ADAMTS3: variants seen among roughly 807,000 people sequenced by gnomAD.
The protein encoded by ADAMTS3 is ADAM metallopeptidase with thrombospondin type 1 motif 3, also known as A disintegrin and metalloproteinase with thrombospondin motifs 3.
A neutral mutation model predicts 129.0 loss-of-function variants in ADAMTS3; 73 were observed. The observed-to-expected ratio is 0.57, with a 90% CI of 0.47 to 0.69. ADAMTS3 has a LOEUF of 0.69. Ranked by LOEUF, ADAMTS3 falls within the 30% of genes least tolerant of loss-of-function variation. The probability of loss-of-function intolerance (pLI) is 0.00; values close to 1 mark genes in which losing one functional copy is unlikely to be tolerated. For missense variants in ADAMTS3, 1,457 were observed against 1,514.5 expected (o/e 0.96, Z 0.63); for synonymous variants, 477 against 510.8 (o/e 0.93, Z 0.89).
At chr4:72,319,551 C>A in intron 8 of ADAMTS3, 76 bp from the exon 9 acceptor site, 2 of 1,502,262 alleles carry the variant, frequency 1.3e-6, no homozygotes, top group Non-Finnish European at 8.9e-7. Context: ...GAAAATAAGC[C>A]CTGGGAAATA....
At chr4:72,529,742 T>G (rs1391422734) in intron 3 of ADAMTS3, among the ~76,000 whole-genome samples, 1 of 113,062 alleles carries the variant, frequency 8.8e-6, no homozygotes, top group East Asian at 2.3e-4. Context: ...TATATTTATT[T>G]AATATATTGT....
chr4:72,309,656 AT>A, intron 14 of ADAMTS3, 136 bp from the exon 15 acceptor site: 1 of 856,746 alleles, frequency 1.2e-6, no homozygotes, highest in African/African-American at 1.7e-5. Context: ...TGTAGTCATA[AT>A]TTTTAATACC....
At position 72,568,924 on chromosome 4, in the gene ADAMTS3, T is replaced by C. The variant is rs1217575623; in HGVS notation, c.-162A>G. On this transcript the variant is annotated 5_prime_UTR_variant, in exon 1 of 22. Coordinates refer to ENST00000286657, the MANE Select transcript of ADAMTS3 (RefSeq NM_014243.3). The stretch of plus-strand genomic sequence containing the variant: ...TGCTTTGCTTCAATGAAAATGAAAT[T>C]TGAGCTCTGAGACTGGCCCCCTCTG... The C allele has an allele frequency of 6.2e-6, 4 of 641,010 alleles. No homozygotes were observed. Among genetic ancestry groups the C allele is most frequent in the Admixed American group, 5.8e-5 (2 of 34,530 alleles). 39.7% of individuals were successfully genotyped at this position (641,010 alleles called of 1,614,324 possible).
intron 4 of ADAMTS3, among the ~76,000 whole-genome samples, chr4:72,358,076 C>G (rs1720628246): frequency 6.6e-6 from 1 of 151,784 alleles, no homozygotes; most frequent in Non-Finnish European, 1.5e-5. Flanking sequence ...ACGAAATTTA[C>G]TTCCTAGGGG....
At chr4:72,560,440 G>A (rs550153814) in intron 2 of ADAMTS3, among the ~76,000 whole-genome samples, 6 of 152,204 alleles carry the variant, frequency 3.9e-5, no homozygotes, top group African/African-American at 7.2e-5. Context: ...CAACCCAAAC[G>A]CCAATCAATG....
At chr4:72,290,582 A>G (rs2109771159) in intron 20 of ADAMTS3, among the ~76,000 whole-genome samples, 1 of 152,350 alleles carries the variant, frequency 6.6e-6, no homozygotes, top group South Asian at 2.1e-4. Context: ...TGGAATTTAT[A>G]CTGAAGGAAT....
chr4:72,419,203 G>C (rs1180845155), intron 3 of ADAMTS3, among the ~76,000 whole-genome samples: 1 of 152,142 alleles, frequency 6.6e-6, no homozygotes, highest in Non-Finnish European at 1.5e-5. Context: ...CAAATTTCAA[G>C]GGTGTATTCA....
At chr4:72,422,941 A>G (rs1487316840) in intron 3 of ADAMTS3, among the ~76,000 whole-genome samples, 1 of 152,198 alleles carries the variant, frequency 6.6e-6, no homozygotes. Context: ...TCATCAAGAG[A>G]AGACTAAATT....
In ADAMTS3 at chr4:72,356,199, T is replaced by C. The variant is rs556629362; in HGVS notation, c.662-16506A>G. On this transcript the variant is annotated intron_variant, in intron 4 of 21. Transcript: ENST00000286657. ...ATAAATGGAAAATAATGTGTCAATATGCAAAATGTAGAAGAATGAAAAAGG... is the reference window on the plus strand; with the variant it reads ...ATAAATGGAAAATAATGTGTCAATACGCAAAATGTAGAAGAATGAAAAAGG... Among the ~76,000 whole-genome samples the C allele has an allele frequency of 5.9e-5, 9 of 152,022 alleles. No individual in the cohort carries two copies. In the South Asian group the frequency reaches 1.9e-3, roughly 32 times the overall value.
rs536694019 is a variant in ADAMTS3, at chr4:72,480,010, A to G, written c.505-65039T>C. Among the ~76,000 whole-genome samples, 1,053 of 152,280 alleles carry G rather than the reference A, an allele frequency of 6.9e-3. 14 individuals carry two copies. Among genetic ancestry groups the G allele is most frequent in the African/African-American group, 0.024 (1,007 of 41,556 alleles). ...CCACAATGAGATACCATCTCACACC[A>G]GTTAGAATGGCAATCATTAAAAAGT... On this transcript the variant is annotated intron_variant, in intron 3 of 21. Coordinates refer to ENST00000286657, the MANE Select transcript of ADAMTS3 (RefSeq NM_014243.3).
chr4:72,569,072 T>G lies in ADAMTS3; in HGVS notation c.-310A>C. ...GGAGAGGGGGAAGGGACGAGGGGCT[T>G]TCCAACTATCTCTGCCCAAAGCAGC... On this transcript the variant is annotated 5_prime_UTR_variant, in exon 1 of 22. Coordinates refer to ENST00000286657, the MANE Select transcript of ADAMTS3 (RefSeq NM_014243.3). 1 of 431,032 alleles carries G rather than the reference T, an allele frequency of 2.3e-6. No individual in the cohort carries two copies. The highest frequency in any genetic ancestry group is 3.4e-5 in the South Asian group (1 of 29,806). 26.7% of individuals were successfully genotyped at this position (431,032 alleles called of 1,614,324 possible).
intron 4 of ADAMTS3, among the ~76,000 whole-genome samples, chr4:72,345,055 T>A (rs866347709): frequency 6.6e-6 from 1 of 152,142 alleles, no homozygotes; most frequent in Non-Finnish European, 1.5e-5. Context: ...CCAATTTTCA[T>A]GTGAATAAGT....
Position 72,568,817 on chromosome 4 carries a change from C to CA in ADAMTS3, c.-56_-55insT. 1.1e-5 allele frequency: 12 copies of CA among 1,079,818 alleles called. No individual in the cohort carries two copies. The highest frequency in any genetic ancestry group is 3.0e-5 in the Admixed American group (1 of 33,848). 66.9% of individuals were successfully genotyped at this position (1,079,818 alleles called of 1,614,324 possible). ...GGCAAAGCAAATGCCCAGAGCAAACCCACCCCCCCCGCCCAAAATAAGTTT... is the reference window on the plus strand; with the variant it reads ...GGCAAAGCAAATGCCCAGAGCAAACCACACCCCCCCCGCCCAAAATAAGTTT... On this transcript the variant is annotated 5_prime_UTR_variant, in exon 1 of 22. Transcript: ENST00000286657.
At chr4:72,491,826 C>G (rs572347613) in intron 3 of ADAMTS3, among the ~76,000 whole-genome samples, 1 of 151,796 alleles carries the variant, frequency 6.6e-6, no homozygotes, top group Admixed American at 6.6e-5. Flanking sequence ...TTTTCTGGAA[C>G]AGTCTGAGAC....
intron 21 of ADAMTS3, among the ~76,000 whole-genome samples, chr4:72,287,179 C>A (rs1718527518): frequency 6.6e-6 from 1 of 151,952 alleles, no homozygotes; most frequent in Non-Finnish European, 1.5e-5. Context: ...AAACAAGGCA[C>A]CATCTAGGAA....
rs1578597674 is a variant in ADAMTS3 at position 72,341,776 on chromosome 4, G to A, written c.662-2083C>T. On this transcript the variant is annotated intron_variant, in intron 4 of 21. Coordinates refer to ENST00000286657, the MANE Select transcript of ADAMTS3 (RefSeq NM_014243.3). ...AGCCTCTTTAAATAGGTAGTTTTCT[G>A]GTAAGGAAACAGAATCTCTCTTTTT... Among the ~76,000 whole-genome samples, 3 of 152,260 alleles carry A rather than the reference G, an allele frequency of 2.0e-5. No homozygotes were observed. In the South Asian group the frequency reaches 6.2e-4, roughly 32 times the overall value.
chr4:72,373,156 C>G (rs1247108581), intron 4 of ADAMTS3, among the ~76,000 whole-genome samples: 1 of 152,106 alleles, frequency 6.6e-6, no homozygotes, highest in Non-Finnish European at 1.5e-5. Flanking sequence ...ATCTTTAAAA[C>G]ATAGCACAGG....
intron 3 of ADAMTS3, among the ~76,000 whole-genome samples, chr4:72,537,523 C>G (rs1396626486): frequency 6.6e-6 from 1 of 152,040 alleles, no homozygotes; most frequent in Non-Finnish European, 1.5e-5. Flanking sequence ...GGGAAAGGCA[C>G]AGGCTCAGAA....
At chr4:72,518,311 C>A (rs7697909) in intron 3 of ADAMTS3, among the ~76,000 whole-genome samples, 36,104 of 152,070 alleles carry the variant, frequency 0.24, 4,815 homozygotes, top group East Asian at 0.44. Context: ...AATGTATATT[C>A]TGTTGATATG....
Sources: gnomAD v4.1 joint callset for allele counts (sites outside exome capture counted in the v4.1 genomes callset) on GRCh38, gnomAD v4.1.1 for gene constraint, MANE v1.5 for transcripts, NCBI Gene and HGNC (gene_info 2026-07-23, HGNC 2026-07-21) for gene names.